FRY: variants seen among roughly 807,000 people sequenced by gnomAD.
FRY encodes FRY microtubule binding protein.
In FRY, 128 loss-of-function variants were observed where a neutral mutation model predicts 348.4. The ratio of observed to expected loss-of-function variants is 0.37; its 90% confidence interval spans 0.32 to 0.43. FRY has a LOEUF of 0.43. Ranked by LOEUF, FRY falls within the 20% of genes least tolerant of loss-of-function variation. The pLI is 1.00. For missense variants in FRY, 2,736 were observed against 3,695.2 expected (o/e 0.74, Z 6.73); for synonymous variants, 1,370 against 1,374.7 (o/e 1.00, Z 0.08).
chr13:32,112,716 T>C (rs368442680), intron 3 of FRY, among the ~76,000 whole-genome samples: 11 of 152,382 alleles, frequency 7.2e-5, no homozygotes, highest in African/African-American at 2.4e-4. Flanking sequence ...TGTGTACTTA[T>C]GTACCGTTTA....
intron 1 of FRY, among the ~76,000 whole-genome samples, chr13:32,042,687 C>G (rs916625710): frequency 6.6e-6 from 1 of 152,206 alleles, no homozygotes; most frequent in African/African-American, 2.4e-5. Context: ...CAGGTTAGGG[C>G]TTTCTTGTAA....
chr13:32,038,113 G>A lies in FRY; in HGVS notation c.70+6248G>A, dbSNP rs1299795906. Among the ~76,000 whole-genome samples the A allele has an allele frequency of 2.0e-5, 3 of 152,150 alleles. No individual in the cohort carries two copies. The East Asian group carries it at 5.8e-4, about 29-fold the overall frequency. The stretch of plus-strand genomic sequence containing the variant: ...TTAATTAGCTAGTTTCTTCTTAAAT[G>A]CTCCTGGTTTAGAATAAGACTTAAT... On this transcript the variant is annotated intron_variant, in intron 1 of 60. Transcript: ENST00000542859.
At chr13:32,208,644 T>A (rs569820906) in intron 31 of FRY, among the ~76,000 whole-genome samples, 1 of 152,370 alleles carries the variant, frequency 6.6e-6, no homozygotes, top group South Asian at 2.1e-4. Flanking sequence ...CACAGTGCTA[T>A]ACACTTTCCT....
At chr13:32,072,397 C>T (rs373364331) in intron 1 of FRY, among the ~76,000 whole-genome samples, 8 of 152,228 alleles carry the variant, frequency 5.3e-5, no homozygotes, top group East Asian at 1.9e-4. Context: ...TCTATCACTT[C>T]GTTAAGCAAT....
At chr13:32,264,961 G>A (rs1887844009) in intron 53 of FRY, among the ~76,000 whole-genome samples, 1 of 152,202 alleles carries the variant, frequency 6.6e-6, no homozygotes, top group Non-Finnish European at 1.5e-5. Flanking sequence ...TTCTATGTTA[G>A]AGAATTAACT....
Position 32,247,343 on chromosome 13 carries a change from T to G in FRY, c.6849T>G (p.Ala2283=). 1.2e-6 allele frequency: 2 copies of G among 1,613,530 alleles called. No individual in the cohort carries two copies. Among genetic ancestry groups the G allele is most frequent in the Non-Finnish European group, 1.7e-6 (2 of 1,179,458 alleles). The change falls in exon 48 of 61, where the codon GCT becomes GCG. Residue 2283 remains alanine, a synonymous_variant. Transcript: ENST00000542859. ...KYVQSVHWRE[A]LNILKLVVSR... ...TGCAGAGTGTTCACTGGAGAGAAGCTCTGAATATCTTGAAGCTGGTAGTTT... is the reference window on the plus strand; with the variant it reads ...TGCAGAGTGTTCACTGGAGAGAAGCGCTGAATATCTTGAAGCTGGTAGTTT...
chr13:32,247,399 A>G lies in FRY; in HGVS notation c.6905A>G (p.Tyr2302Cys). ...TCAGCCAGCCTTGTTTTACCTTCAT[A>G]CCAGCACAGTGACCTCTCAAAAATA... ...SRSASLVLPS[Y>C]QHSDLSKIEI... The change falls in exon 48 of 61, where the codon TAC (tyrosine) becomes TGC (cysteine). Residue 2302 changes from tyrosine to cysteine, a missense_variant. Around this residue, in one of 9 missense-constraint regions of FRY, gnomAD observed 789 missense variants for 996.2 expected, o/e 0.79. Coordinates refer to ENST00000542859, the MANE Select transcript of FRY (RefSeq NM_023037.3). 6.2e-7 allele frequency: 1 copy of G among 1,613,426 alleles called. No individual in the cohort carries two copies.
chr13:32,098,550 C>T (rs1876923619), intron 2 of FRY, among the ~76,000 whole-genome samples: 1 of 151,958 alleles, frequency 6.6e-6, no homozygotes, highest in Non-Finnish European at 1.5e-5. Flanking sequence ...CAGGCATGTA[C>T]AGGGAGAGAC....
intron 29 of FRY, among the ~76,000 whole-genome samples, chr13:32,196,174 C>G (rs191122880): frequency 7.2e-5 from 11 of 152,274 alleles, no homozygotes; most frequent in African/African-American, 2.2e-4. Context: ...AAGTCATATG[C>G]AAACTGAATT....
chr13:32,194,169 T>C lies in FRY; in HGVS notation c.3618T>C (p.Val1206=). The stretch of plus-strand genomic sequence containing the variant: ...TTCATCAACTTGGCTGCGAAGTTGT[T>C]GTCTTGCTACTGGAACTTAATCCTG... ...LRVHQLGCEV[V]VLLLELNPDQ... The change falls in exon 29 of 61, where the codon GTT becomes GTC. Residue 1206 remains valine (V), a synonymous_variant. Coordinates refer to ENST00000542859, the MANE Select transcript of FRY (RefSeq NM_023037.3). The C allele has an allele frequency of 6.2e-7, 1 of 1,614,138 alleles. No homozygotes were observed. Among genetic ancestry groups the C allele is most frequent in the Non-Finnish European group, 8.5e-7 (1 of 1,179,952 alleles).
In FRY at chr13:32,294,509, A is replaced by C. The variant is rs1169223145; in HGVS notation, c.8722A>C (p.Met2908Leu). The C allele has an allele frequency of 1.2e-6, 2 of 1,614,024 alleles. No individual in the cohort carries two copies. Among genetic ancestry groups the C allele is most frequent in the African/African-American group, 1.3e-5 (1 of 74,920 alleles). Residue 2908 changes from methionine (M) to leucine (L), a missense_variant, in exon 60 of 61, where the codon ATG becomes CTG. Physicochemically the swap from Met to Leu is conservative, Grantham distance 15 (BLOSUM62 2). Coordinates refer to ENST00000542859, the MANE Select transcript of FRY (RefSeq NM_023037.3). ...GTCCACTGAAGCAGCCATCCAGTCC[A>C]TGCTGGAGTGCCTGAAGAACAACGA... ...FTSTEAAIQSMLECLKNNELG... is the reference protein window; with the variant it reads ...FTSTEAAIQSLLECLKNNELG...
chr13:32,057,689 G>A lies in FRY; in HGVS notation c.71-21145G>A, dbSNP rs1873711009. ...AAATATTCGCAGTCAGCCGGGCATG[G>A]TGGCTCACACCTGTAATGCTAGCAC... On this transcript the variant is annotated intron_variant, in intron 1 of 60. Coordinates refer to ENST00000542859, the MANE Select transcript of FRY (RefSeq NM_023037.3). 3.9e-5 allele frequency among the ~76,000 whole-genome samples: 6 copies of A among 152,296 alleles called. No individual in the cohort carries two copies. In the South Asian group the frequency reaches 1.2e-3, roughly 32 times the overall value.
At chr13:32,236,640 T>G (rs1886241520) in intron 43 of FRY, among the ~76,000 whole-genome samples, 1 of 152,206 alleles carries the variant, frequency 6.6e-6, no homozygotes, top group Admixed American at 6.5e-5. Context: ...GTATCTTTTT[T>G]TTTGCTCCTG....
chr13:32,110,811 A>C (rs1593624349), intron 3 of FRY, among the ~76,000 whole-genome samples: 1 of 152,352 alleles, frequency 6.6e-6, no homozygotes, highest in East Asian at 1.9e-4. Flanking sequence ...CTTTTAAAAC[A>C]GTCTCATACA....
At chr13:32,194,488 A>T (rs1883557803) in intron 29 of FRY, among the ~76,000 whole-genome samples, 191 bp downstream of exon 29, 1 of 152,208 alleles carries the variant, frequency 6.6e-6, no homozygotes, top group Non-Finnish European at 1.5e-5. Flanking sequence ...TTCTCATTTT[A>T]TCAGGAAATG....
rs1455199138 is a variant in FRY at position 32,149,829 on chromosome 13, C to G, written c.1474C>G (p.Pro492Ala). The G allele has an allele frequency of 6.3e-7, 1 of 1,590,036 alleles. No individual in the cohort carries two copies. The highest frequency in any genetic ancestry group is 8.6e-7 in the Non-Finnish European group (1 of 1,158,244). Reference sequence around the variant, plus strand: ...ACCAGCAAAAGCATTCAGTCTCAACCCAGAGGTATGAATGATCCTTTTATG... The same window carrying G: ...ACCAGCAAAAGCATTCAGTCTCAACGCAGAGGTATGAATGATCCTTTTATG... The part of the protein sequence containing the change: ...GKPAKAFSLN[P>A]ERMNIGLRAF... Residue 492 changes from proline (P) to alanine (A), a missense_variant, in exon 14 of 61, where the codon CCA becomes GCA. Transcript: ENST00000542859.
At chr13:32,169,014 G>A (rs1476279979) in intron 17 of FRY, among the ~76,000 whole-genome samples, 4 of 152,194 alleles carry the variant, frequency 2.6e-5, no homozygotes, top group South Asian at 2.1e-4. Flanking sequence ...TAACCACTCT[G>A]GGCGACAATG....
In FRY at chr13:32,239,818, C is replaced by T. The variant is rs747317711; in HGVS notation, c.6624C>T (p.Val2208=). 6.2e-7 allele frequency: 1 copy of T among 1,614,086 alleles called. No homozygotes were observed. The highest frequency in any genetic ancestry group is 8.5e-7 in the Non-Finnish European group (1 of 1,179,972). ...TRDCATWVNV[V]CRYLHEAYAD... ...ACTGTGCCACGTGGGTCAATGTGGT[C>T]TGTCGATACCTTCATGAAGCATATG... The change falls in exon 46 of 61, where the codon GTC becomes GTT. Residue 2208 remains valine (V), a synonymous_variant. Transcript: ENST00000542859. This position sits in a 1 kb window ranked among gnomAD's most constrained non-coding sequence, Gnocchi z 4.3.
intron 50 of FRY, 160 bp from the exon 51 acceptor site, chr13:32,254,064 C>G (rs931017652): frequency 1.8e-5 from 13 of 719,892 alleles, no homozygotes; most frequent in South Asian, 8.0e-5. Flanking sequence ...TCTGAAGGCA[C>G]CTGTCCAACA....
Sources: allele counts gnomAD v4.1 joint callset (sites outside exome capture counted in the v4.1 genomes callset), GRCh38; gene constraint gnomAD v4.1.1; regional missense constraint gnomAD v4.1.1; non-coding constraint Gnocchi (gnomAD v3.1); transcripts MANE v1.5; gene names NCBI Gene and HGNC (gene_info 2026-07-23, HGNC 2026-07-21).